Variants in COL25A1 observed in about 807,000 individuals in gnomAD.
The protein encoded by COL25A1 is collagen alpha-1(XXV) chain.
In COL25A1, 103 loss-of-function variants were observed where a neutral mutation model predicts 128.4. The ratio of observed to expected loss-of-function variants is 0.80; its 90% confidence interval spans 0.68 to 0.94. The LOEUF (loss-of-function observed/expected upper bound fraction) is 0.94, where lower values mean the gene tolerates loss of function less well. Among genes scored for constraint, COL25A1 ranks in the 40% least tolerant of loss-of-function variants. COL25A1 has a pLI of 0.00. For missense variants in COL25A1, 745 were observed against 840.0 expected (o/e 0.89, Z 1.40); for synonymous variants, 279 against 277.2 (o/e 1.01, Z -0.06).
intron 3 of COL25A1, among the ~76,000 whole-genome samples, chr4:109,257,387 AT>A (rs1316243387): frequency 1.3e-5 from 2 of 152,236 alleles, no homozygotes; most frequent in African/African-American, 4.8e-5. Flanking sequence ...TGTGCTATTC[AT>A]CTATGAAAGA....
intron 3 of COL25A1, among the ~76,000 whole-genome samples, chr4:109,109,771 C>T (rs35636559): frequency 2.0e-5 from 3 of 152,150 alleles, no homozygotes; most frequent in African/African-American, 7.2e-5. Flanking sequence ...ATCTTGCTCC[C>T]TAATGTCTAC....
At chr4:108,825,296 T>C (rs1001712082) in intron 33 of COL25A1, 74 bp from the exon 34 acceptor site, 2 of 1,172,152 alleles carry the variant, frequency 1.7e-6, no homozygotes, top group Non-Finnish European at 2.6e-6. Flanking sequence ...TTTAAGGCTG[T>C]CTGAACATGC....
intron 3 of COL25A1, among the ~76,000 whole-genome samples, chr4:109,178,141 A>G (rs1774267053): frequency 6.6e-6 from 1 of 152,218 alleles, no homozygotes; most frequent in African/African-American, 2.4e-5. Flanking sequence ...CTGGCAGTTT[A>G]TGGCCCCTCC....
At chr4:109,075,208 C>T (rs1763279676) in intron 3 of COL25A1, among the ~76,000 whole-genome samples, 1 of 152,122 alleles carries the variant, frequency 6.6e-6, no homozygotes, top group African/African-American at 2.4e-5. Flanking sequence ...GAAGTTTTAA[C>T]ACCAGAACAG....
chr4:108,832,394 G>A lies in COL25A1; in HGVS notation c.1696C>T (p.Pro566Ser). The change falls in exon 32 of 38, where the codon CCC becomes TCC. Residue 566 changes from proline to serine, a missense_variant. Physicochemically the swap from Pro to Ser is moderately conservative, Grantham distance 74 (BLOSUM62 -1). Around this residue, in one of 3 missense-constraint regions of COL25A1, gnomAD observed 387 missense variants for 441.9 expected, o/e 0.88. Transcript: ENST00000399132. ...CAACAACTTACTCTTTCTCCTTTGG[G>A]ACCTGCAGGGCCATGGGGTCCCATA... ...GPMGPHGPAG[P>S]KGERGEKGAM... The A allele has an allele frequency of 6.2e-7, 1 of 1,610,704 alleles. No homozygotes were observed. Among genetic ancestry groups the A allele is most frequent in the Non-Finnish European group, 8.5e-7 (1 of 1,178,146 alleles).
intron 35 of COL25A1, among the ~76,000 whole-genome samples, chr4:108,823,477 G>C (rs1020120235): frequency 6.6e-6 from 1 of 151,792 alleles, no homozygotes; most frequent in Non-Finnish European, 1.5e-5. Flanking sequence ...GGAGAGGAAA[G>C]GAAAAATTGA....
At chr4:109,010,434 C>CCAA in intron 5 of COL25A1, 59 bp from the exon 6 acceptor site, 1 of 1,233,804 alleles carries the variant, frequency 8.1e-7, no homozygotes, top group South Asian at 1.4e-5. Context: ...TGAATATTTT[C>CCAA]ACTACCAAAA....
chr4:108,856,710 A>C (rs1025672422), intron 24 of COL25A1, among the ~76,000 whole-genome samples: 1 of 152,162 alleles, frequency 6.6e-6, no homozygotes, highest in African/African-American at 2.4e-5. Flanking sequence ...CTAGTTGACT[A>C]TGATGGATAT....
At chr4:108,880,014 G>A (rs755797589) in intron 19 of COL25A1, among the ~76,000 whole-genome samples, 2 of 151,238 alleles carry the variant, frequency 1.3e-5, no homozygotes, top group Non-Finnish European at 2.9e-5. Flanking sequence ...TCACCTTGTT[G>A]GTCAGGCTGG....
rs200970824 is a variant in COL25A1, at chr4:108,974,336, T to C, written c.492+31A>G. On this transcript the variant is annotated intron_variant, in intron 8 of 37. Coordinates refer to ENST00000399132, the MANE Select transcript of COL25A1 (RefSeq NM_198721.4). ...ATAAACTTGGAGTTAGAAACTAATT[T>C]TCCGCCCAAGATAGGTAGAGCACAA... 3.4e-4 allele frequency: 550 copies of C among 1,612,190 alleles called. 1 individual carries two copies. The African/African-American group carries it at 6.6e-3, about 19-fold the overall frequency.
At chr4:109,088,874 T>C (rs1764651254) in intron 3 of COL25A1, among the ~76,000 whole-genome samples, 1 of 152,198 alleles carries the variant, frequency 6.6e-6, no homozygotes, top group Non-Finnish European at 1.5e-5. Context: ...TATAGAGAAC[T>C]CTTTCAAGCA....
intron 3 of COL25A1, among the ~76,000 whole-genome samples, chr4:109,191,259 T>G (rs1220534371): frequency 6.6e-6 from 1 of 152,174 alleles, no homozygotes; most frequent in Non-Finnish European, 1.5e-5. Context: ...CCTGTCAGGT[T>G]AGGAAAAATA....
intron 3 of COL25A1, among the ~76,000 whole-genome samples, chr4:109,236,496 T>C (rs1378966974): frequency 6.6e-6 from 1 of 151,998 alleles, no homozygotes; most frequent in African/African-American, 2.4e-5. Context: ...TCATAAAACT[T>C]AAGAGTACAA....
chr4:108,962,720 GTTATTA>G (rs1012896667), intron 8 of COL25A1, among the ~76,000 whole-genome samples: 1 of 84,420 alleles, frequency 1.2e-5, no homozygotes, highest in African/African-American at 3.7e-5. Context: ...CAACAGTATT[GTTATTA>G]TTATTATTAT....
At chr4:109,168,756 T>C (rs1279771897) in intron 3 of COL25A1, among the ~76,000 whole-genome samples, 1 of 152,178 alleles carries the variant, frequency 6.6e-6, no homozygotes, top group African/African-American at 2.4e-5. Flanking sequence ...TACTTCAGAA[T>C]TGGATTCAGA....
At chr4:108,936,384 T>C (rs1747406234) in intron 11 of COL25A1, among the ~76,000 whole-genome samples, 1 of 152,082 alleles carries the variant, frequency 6.6e-6, no homozygotes, top group Non-Finnish European at 1.5e-5. Flanking sequence ...CTGGCCAACA[T>C]GGTGAAACCC....
At chr4:109,000,140 AAGAG>A (rs1403602068) in intron 6 of COL25A1, among the ~76,000 whole-genome samples, 5 of 152,214 alleles carry the variant, frequency 3.3e-5, no homozygotes, top group Admixed American at 1.3e-4. Flanking sequence ...CTGCAAAAAA[AAGAG>A]AGAAAGGAAA....
chr4:108,942,021 T>A (rs558583890), intron 8 of COL25A1, among the ~76,000 whole-genome samples: 1 of 152,176 alleles, frequency 6.6e-6, no homozygotes, highest in Admixed American at 6.5e-5. Flanking sequence ...TCCTCTCAAG[T>A]ATGCTCAGGA....
chr4:109,065,540 G>A (rs965939067), intron 3 of COL25A1, among the ~76,000 whole-genome samples: 20 of 133,762 alleles, frequency 1.5e-4, no homozygotes, highest in Admixed American at 4.6e-4. Flanking sequence ...GCACGCGCGC[G>A]CGCGCGTGTG....
Sources: allele counts gnomAD v4.1 joint callset (sites outside exome capture counted in the v4.1 genomes callset), GRCh38; gene constraint gnomAD v4.1.1; regional missense constraint gnomAD v4.1.1; transcripts MANE v1.5; gene names NCBI Gene and HGNC (gene_info 2026-07-23, HGNC 2026-07-21).